Variants in NUP98 observed in about 807,000 individuals in gnomAD.
NUP98 encodes the protein nuclear pore complex protein Nup98-Nup96.
A neutral mutation model predicts 191.9 loss-of-function variants in NUP98; 26 were observed. The observed-to-expected ratio is 0.14, with a 90% confidence interval of 0.10 to 0.19. The LOEUF (loss-of-function observed/expected upper bound fraction) is 0.19. NUP98 is among the 10% of genes least tolerant of loss of function. The probability of loss-of-function intolerance (pLI) is 1.00; values close to 1 mark genes in which losing one functional copy is unlikely to be tolerated. For synonymous variants in NUP98, 808 were observed against 778.4 expected (o/e 1.04, Z -0.63); for missense variants, 1,941 against 2,178.8 (o/e 0.89, Z 2.17).
chr11:3,790,551 C>T (rs1364781760), intron 1 of NUP98, among the ~76,000 whole-genome samples: 1 of 152,166 alleles, frequency 6.6e-6, no homozygotes, highest in Non-Finnish European at 1.5e-5. Flanking sequence ...ACTGTTCTGA[C>T]CTCTGTGCTG....
intron 1 of NUP98, among the ~76,000 whole-genome samples, chr11:3,783,001 A>C (rs1320484982): frequency 6.6e-6 from 1 of 152,178 alleles, no homozygotes; most frequent in African/African-American, 2.4e-5. Flanking sequence ...TGGTGCCCTG[A>C]CATTCTCTTT....
intron 11 of NUP98, among the ~76,000 whole-genome samples, chr11:3,747,226 CT>C (rs1233253807): frequency 5.9e-5 from 9 of 151,992 alleles, no homozygotes; most frequent in Non-Finnish European, 1.3e-4. Flanking sequence ...TAATAGTGGC[CT>C]TAGAAACTCC....
chr11:3,794,621 C>T (rs1016807183), intron 1 of NUP98, among the ~76,000 whole-genome samples: 10 of 151,992 alleles, frequency 6.6e-5, no homozygotes, highest in Admixed American at 1.3e-4. Flanking sequence ...ACCACCACAC[C>T]ACGCCTTTGT....
intron 13 of NUP98, among the ~76,000 whole-genome samples, chr11:3,732,185 T>C (rs2079875789): frequency 6.6e-6 from 1 of 152,134 alleles, no homozygotes; most frequent in South Asian, 2.1e-4. Flanking sequence ...GAGGCGGAGG[T>C]TGCAGTAAGC....
At chr11:3,734,192 T>C (rs757649329) in intron 13 of NUP98, among the ~76,000 whole-genome samples, 8 of 152,082 alleles carry the variant, frequency 5.3e-5, no homozygotes, top group Non-Finnish European at 7.4e-5. Flanking sequence ...CCCACCACCA[T>C]GCCCAGCTAA....
At position 3,745,495 on chromosome 11, in the gene NUP98, TG is replaced by T. The variant is rs546237962; in HGVS notation, c.1268-847del. On this transcript the variant is annotated intron_variant, in intron 11 of 32. Transcript: ENST00000324932. ...TTTTGCTTAGGGACCTTGTTGCCGG[TG>T]GTGATTTTAGAAGTGTAAAACGGGG... Among the ~76,000 whole-genome samples the T allele has an allele frequency of 2.6e-3, 389 of 152,260 alleles. 2 individuals are homozygous for T. The highest frequency in any genetic ancestry group is 9.0e-3 in the African/African-American group (376 of 41,550).
In NUP98 at chr11:3,720,678, T is replaced by C. The variant is rs1673922537; in HGVS notation, c.2260+34A>G. 3.5e-6 allele frequency: 4 copies of C among 1,149,758 alleles called. No homozygotes were observed. The South Asian group carries it at 3.9e-5, about 11-fold the overall frequency. 71.2% of individuals were successfully genotyped at this position (1,149,758 alleles called of 1,614,324 possible). On this transcript the variant is annotated intron_variant, in intron 17 of 32. Transcript: ENST00000324932. The stretch of plus-strand genomic sequence containing the variant: ...ATTACAAAAATAAGGTGCAACTCTC[T>C]GGCTTAATCACTAAGTGCTAAACTC...
intron 1 of NUP98, among the ~76,000 whole-genome samples, chr11:3,789,989 T>C (rs1385925900): frequency 1.3e-5 from 2 of 152,136 alleles, no homozygotes; most frequent in African/African-American, 4.8e-5. Flanking sequence ...TTCACCAAGT[T>C]GGCCAGGATG....
intron 9 of NUP98, 121 bp downstream of exon 9, chr11:3,762,781 T>C: frequency 1.0e-6 from 1 of 991,280 alleles, no homozygotes; most frequent in Non-Finnish European, 1.5e-6. Flanking sequence ...TCAAATCATA[T>C]TAGGCTGGTG....
intron 12 of NUP98, 73 bp downstream of exon 12, chr11:3,744,436 G>A (rs2080410868): frequency 6.8e-7 from 1 of 1,470,390 alleles, no homozygotes; most frequent in Admixed American, 2.1e-5. Context: ...TGGGACAGGT[G>A]TAGGATGGAA....
At chr11:3,760,482 AT>A (rs1564896066) in intron 10 of NUP98, 56 bp downstream of exon 10, 1 of 1,613,804 alleles carries the variant, frequency 6.2e-7, no homozygotes, top group Admixed American at 1.7e-5. Flanking sequence ...TGCTTTTTAT[AT>A]GTACCAAAAT....
intron 27 of NUP98, among the ~76,000 whole-genome samples, chr11:3,691,848 C>T (rs2078321637): frequency 1.3e-5 from 2 of 152,066 alleles, no homozygotes; most frequent in South Asian, 4.1e-4. Context: ...ATGACCGCAC[C>T]CGGCCTAGAT....
intron 12 of NUP98, among the ~76,000 whole-genome samples, chr11:3,740,902 T>G (rs2080260719): frequency 6.6e-6 from 1 of 151,934 alleles, no homozygotes; most frequent in South Asian, 2.1e-4. Context: ...CGGTGCAACT[T>G]CCGCCTCCCA....
Position 3,712,572 on chromosome 11 carries a change from G to A in NUP98, c.2734C>T (p.Pro912Ser). The change falls in exon 20 of 33, where the codon CCA becomes TCA. Residue 912 changes from proline (P) to serine (S), a missense_variant. This residue lies in a region of NUP98 where 1,030 missense variants were observed against 1,115.8 expected (regional missense o/e 0.92). Coordinates refer to ENST00000324932, the MANE Select transcript of NUP98 (RefSeq NM_016320.5). ...QMALNGKPAP[P>S]PQSQSPEVEQ... is the part of the protein sequence containing the mutation. Reference sequence around the variant, plus strand: ...TGTCCTTTTTTCTCTACCTGAGGTGGAGGTGCAGGTTTGCCATTAAGAGCC... The same window carrying A: ...TGTCCTTTTTTCTCTACCTGAGGTGAAGGTGCAGGTTTGCCATTAAGAGCC... 1 of 1,613,638 alleles carries A rather than the reference G, an allele frequency of 6.2e-7. No homozygotes were observed. Among genetic ancestry groups the A allele is most frequent in the Non-Finnish European group, 8.5e-7 (1 of 1,179,870 alleles).
In NUP98 at chr11:3,723,274, G is replaced by T; in HGVS notation, c.2029C>A (p.Arg677Ser). The T allele has an allele frequency of 3.7e-6, 6 of 1,614,056 alleles. No individual in the cohort carries two copies. Among genetic ancestry groups the T allele is most frequent in the Non-Finnish European group, 5.1e-6 (6 of 1,180,000 alleles). Residue 677 changes from arginine to serine, a missense_variant, in exon 16 of 33, where the codon CGT (arginine) becomes AGT (serine). Transcript: ENST00000324932. Reference protein sequence around the residue: ...VDDTIVALNMRAALRNGLEGS... With the variant: ...VDDTIVALNMSAALRNGLEGS... ...TCCAGCCCATTTCGCAAAGCAGCAC[G>T]CATGTTTAATGCAACAATGGTATCA...
At chr11:3,741,094 T>A (rs2080268683) in intron 12 of NUP98, among the ~76,000 whole-genome samples, 1 of 150,976 alleles carries the variant, frequency 6.6e-6, no homozygotes, top group South Asian at 2.1e-4. Flanking sequence ...AGTGCTGGGA[T>A]TACAGTCATG....
chr11:3,744,776 T>A, intron 11 of NUP98, 127 bp from the exon 12 acceptor site: 1 of 1,019,400 alleles, frequency 9.8e-7, no homozygotes, highest in Non-Finnish European at 1.4e-6. Context: ...AACAAAGGGG[T>A]GAATACGGTA....
At position 3,705,314 on chromosome 11, in the gene NUP98, T is replaced by C. The variant is rs2078827640; in HGVS notation, c.2968A>G (p.Met990Val). 3 of 1,614,086 alleles carry C rather than the reference T, an allele frequency of 1.9e-6. No individual in the cohort carries two copies. The highest frequency in any genetic ancestry group is 1.7e-5 in the Admixed American group (1 of 60,002). Residue 990 changes from methionine to valine, a missense_variant, in exon 22 of 33, where the codon ATG (methionine) becomes GTG (valine). Physicochemically the swap from Met to Val is conservative, Grantham distance 21. Coordinates refer to ENST00000324932, the MANE Select transcript of NUP98 (RefSeq NM_016320.5). ...SLLTDEEDVD[M>V]ALDQRFSRLP... is the part of the protein sequence containing the mutation. Reference sequence around the variant, plus strand: ...CGACTGAAGCGTTGATCCAGTGCCATATCTACATCTTCTTCATCAGTAAGC... The same window carrying C: ...CGACTGAAGCGTTGATCCAGTGCCACATCTACATCTTCTTCATCAGTAAGC...
chr11:3,743,412 C>A (rs1439014826), intron 12 of NUP98, among the ~76,000 whole-genome samples: 1 of 147,834 alleles, frequency 6.8e-6, no homozygotes, highest in Non-Finnish European at 1.5e-5. Flanking sequence ...TTTGGGAGGC[C>A]GAGGCGGGCG....
Sources: allele counts gnomAD v4.1 joint callset (sites outside exome capture counted in the v4.1 genomes callset), GRCh38; gene constraint gnomAD v4.1.1; regional missense constraint gnomAD v4.1.1; transcripts MANE v1.5; gene names NCBI Gene and HGNC (gene_info 2026-07-23, HGNC 2026-07-21).